The following CIMIP2C variants were observed in gnomAD, a reference collection of about 807,000 sequenced individuals.
CIMIP2C encodes UPF0573 protein C2orf70.
the CIMIP2C span, among the ~76,000 whole-genome samples, chr2:26,574,335 G>T: frequency 6.6e-6 from 1 of 152,214 alleles, no homozygotes; most frequent in Non-Finnish European, 1.5e-5. Flanking sequence ...CACAGGCCAG[G>T]TACAAGGGCA....
the CIMIP2C span, among the ~76,000 whole-genome samples, chr2:26,567,848 G>A: frequency 6.6e-6 from 1 of 152,202 alleles, no homozygotes. Context: ...GGCTGCAGGA[G>A]TTTCTAATCC....
chr2:26,575,918 C>T, the CIMIP2C span: 2 of 1,613,336 alleles, frequency 1.2e-6, no homozygotes, highest in East Asian at 4.5e-5. Flanking sequence ...GGGCCACGTC[C>T]CCACTGTGGC....
the CIMIP2C span, among the ~76,000 whole-genome samples, chr2:26,575,380 G>C: frequency 1.5e-3 from 232 of 152,364 alleles, no homozygotes; most frequent in African/African-American, 5.4e-3. Context: ...TGCAGAATGT[G>C]GGAGCCAGAG....
chr2:26,562,645 C>T, the CIMIP2C span: 1 of 1,587,316 alleles, frequency 6.3e-7, no homozygotes, highest in Admixed American at 1.8e-5. Flanking sequence ...CCCTACTGAC[C>T]GAGTTCAATG....
At chr2:26,564,579 C>T in the CIMIP2C span, among the ~76,000 whole-genome samples, 16 of 152,192 alleles carry the variant, frequency 1.1e-4, no homozygotes, top group Non-Finnish European at 2.9e-5. Flanking sequence ...TAAAGATTCC[C>T]ATCAGCAAGG....
the CIMIP2C span, chr2:26,577,847 G>A: frequency 2.0e-6 from 1 of 505,992 alleles, no homozygotes; most frequent in Non-Finnish European, 3.5e-6. Context: ...CAGGAAGAGT[G>A]CTTTCCCGGC....
the CIMIP2C span, chr2:26,576,185 G>A: frequency 6.2e-7 from 1 of 1,609,268 alleles, no homozygotes; most frequent in East Asian, 2.2e-5. Flanking sequence ...GGTAAGCTGT[G>A]TGGGGCTGCC....
At chr2:26,575,611 C>A in the CIMIP2C span, among the ~76,000 whole-genome samples, 1 of 152,190 alleles carries the variant, frequency 6.6e-6, no homozygotes, top group African/African-American at 2.4e-5. Flanking sequence ...GGTCAGTGCA[C>A]CTGGGGAAGC....
the CIMIP2C span, chr2:26,562,663 C>T: frequency 1.3e-6 from 2 of 1,581,920 alleles, no homozygotes; most frequent in Non-Finnish European, 1.7e-6. Flanking sequence ...ATGCCGCCTA[C>T]GTGCCCCCTG....
the CIMIP2C span, among the ~76,000 whole-genome samples, chr2:26,565,065 C>T: frequency 1.3e-4 from 18 of 139,592 alleles, no homozygotes; most frequent in African/African-American, 5.6e-4. Context: ...TTCTTCTTCC[C>T]CTTCCCCTTC....
the CIMIP2C span, among the ~76,000 whole-genome samples, chr2:26,574,228 C>T: frequency 7.2e-5 from 11 of 152,298 alleles, no homozygotes; most frequent in Admixed American, 2.6e-4. Flanking sequence ...TCGAATGCCA[C>T]GCCGAGGATC....
the CIMIP2C span, chr2:26,577,474 G>A: frequency 6.4e-6 from 10 of 1,552,702 alleles, no homozygotes; most frequent in East Asian, 1.8e-4. Context: ...GGTCAGTCCT[G>A]TGCACTAACA....
chr2:26,562,805 C>T, the CIMIP2C span: 2 of 870,334 alleles, frequency 2.3e-6, no homozygotes, highest in Admixed American at 2.2e-5. Context: ...AGCCAATTTT[C>T]CACCCGACGG....
chr2:26,564,880 A>G, the CIMIP2C span, among the ~76,000 whole-genome samples: 1 of 151,614 alleles, frequency 6.6e-6, no homozygotes, highest in African/African-American at 2.4e-5. Flanking sequence ...GTGTGGGGGG[A>G]CTTGCCTGAG....
the CIMIP2C span, chr2:26,577,572 C>A: frequency 1.7e-5 from 27 of 1,614,006 alleles, no homozygotes; most frequent in African/African-American, 2.7e-5. Context: ...TGCCTCGAGT[C>A]CCCTACTTTG....
the CIMIP2C span, chr2:26,575,949 A>G: frequency 1.1e-5 from 18 of 1,613,362 alleles, no homozygotes; most frequent in Non-Finnish European, 1.5e-5. Flanking sequence ...GGCGCTCCCT[A>G]CGGCACCACC....
chr2:26,573,835 C>A, the CIMIP2C span, among the ~76,000 whole-genome samples: 1 of 152,224 alleles, frequency 6.6e-6, no homozygotes, highest in African/African-American at 2.4e-5. Context: ...AGCCTCATTG[C>A]AGCTCTGGCC....
chr2:26,568,465 G>A, the CIMIP2C span, among the ~76,000 whole-genome samples: 5 of 152,192 alleles, frequency 3.3e-5, no homozygotes, highest in South Asian at 1.0e-3. Context: ...CTACCTTGAG[G>A]AACTGTGGAG....
At chr2:26,562,679 A>C in the CIMIP2C span, 1 of 1,573,000 alleles carries the variant, frequency 6.4e-7, no homozygotes, top group Non-Finnish European at 8.6e-7. Flanking sequence ...CCCTGGACTC[A>C]TGCCCGGGTA....
Sources: gnomAD v4.1 joint callset for allele counts (sites outside exome capture counted in the v4.1 genomes callset) on GRCh38, gnomAD v4.1.1 for gene constraint, MANE v1.5 for transcripts, NCBI Gene and HGNC (gene_info 2026-07-23, HGNC 2026-07-21) for gene names.